The following FGF12 variants were observed in gnomAD, a reference collection of about 807,000 sequenced individuals.
The protein encoded by FGF12 is fibroblast growth factor 12.
FGF12 carries 14 observed loss-of-function variants against 23.6 expected under a neutral mutation model. That is an observed-to-expected ratio of 0.59 (90% confidence interval 0.39 to 0.93). The LOEUF (loss-of-function observed/expected upper bound fraction) is 0.93, where lower values mean the gene tolerates loss of function less well. Ranked by LOEUF, FGF12 falls within the 40% of genes least tolerant of loss-of-function variation. The probability of loss-of-function intolerance (pLI) is 0.00; values close to 1 mark genes in which losing one functional copy is unlikely to be tolerated. For synonymous variants in FGF12, 62 were observed against 77.3 expected (o/e 0.80, Z 1.04); for missense variants, 175 against 217.8 (o/e 0.80, Z 1.24).
rs745377556 is a variant in FGF12 at position 192,468,878 on chromosome 3, AT to A, written c.14-108341del. 1.1e-4 allele frequency among the ~76,000 whole-genome samples: 16 copies of A among 152,224 alleles called. No homozygotes were observed. The East Asian group carries it at 2.9e-3, about 28-fold the overall frequency. Reference sequence around the variant, plus strand: ...TTTCTATTTCCCTTTTTCCTTCTACATTTATTAATAGAAATTCTTCTGAAAA... The same window carrying A: ...TTTCTATTTCCCTTTTTCCTTCTACATTATTAATAGAAATTCTTCTGAAAA... On this transcript the variant is annotated intron_variant, in intron 2 of 5. Transcript: ENST00000445105.
At chr3:192,296,449 C>G (rs1158197257) in intron 4 of FGF12, among the ~76,000 whole-genome samples, 1 of 152,022 alleles carries the variant, frequency 6.6e-6, no homozygotes, top group African/African-American at 2.4e-5. Flanking sequence ...GTCTCAAACT[C>G]CTGAGCTCAA....
At chr3:192,252,297 C>A (rs747545940) in intron 4 of FGF12, among the ~76,000 whole-genome samples, 7 of 151,158 alleles carry the variant, frequency 4.6e-5, no homozygotes, top group Non-Finnish European at 1.0e-4. Context: ...CCTGTCTCTA[C>A]TAAAAAATAC....
intron 4 of FGF12, among the ~76,000 whole-genome samples, chr3:192,262,986 A>T (rs1257872526): frequency 6.6e-6 from 1 of 152,046 alleles, no homozygotes; most frequent in Admixed American, 6.6e-5. Context: ...AATACCTCAA[A>T]ATTAAGTATA....
chr3:192,570,150 A>C (rs893042237), intron 2 of FGF12, among the ~76,000 whole-genome samples: 8 of 152,198 alleles, frequency 5.3e-5, no homozygotes, highest in African/African-American at 1.9e-4. Context: ...AGCAAGGAGG[A>C]AGACAGAGGT....
chr3:192,342,392 G>T (rs1455593889), intron 3 of FGF12, among the ~76,000 whole-genome samples: 1 of 152,196 alleles, frequency 6.6e-6, no homozygotes, highest in Admixed American at 6.5e-5. Flanking sequence ...AAGGGTAGGA[G>T]TATGTGTGTG....
intron 2 of FGF12, among the ~76,000 whole-genome samples, chr3:192,713,190 A>G (rs1718751511): frequency 1.3e-5 from 2 of 152,222 alleles, no homozygotes; most frequent in Admixed American, 1.3e-4. Context: ...AACAAAAATA[A>G]CAATGTAACA....
chr3:192,195,014 G>T (rs1189146661), intron 4 of FGF12, among the ~76,000 whole-genome samples: 1 of 152,194 alleles, frequency 6.6e-6, no homozygotes, highest in African/African-American at 2.4e-5. Context: ...ATGGAGAAAA[G>T]CATCTCCACC....
chr3:192,503,319 G>A (rs1453865917), intron 2 of FGF12, among the ~76,000 whole-genome samples: 1 of 152,076 alleles, frequency 6.6e-6, no homozygotes, highest in African/African-American at 2.4e-5. Context: ...CTTGCCTCCT[G>A]TCCTGATCCT....
chr3:192,662,362 A>G (rs1716702192), intron 2 of FGF12, among the ~76,000 whole-genome samples: 1 of 152,224 alleles, frequency 6.6e-6, no homozygotes, highest in South Asian at 2.1e-4. Flanking sequence ...TCATTTTCAT[A>G]AATCTGAATC....
At chr3:192,168,845 C>G (rs1320835871) in intron 5 of FGF12, among the ~76,000 whole-genome samples, 1 of 152,152 alleles carries the variant, frequency 6.6e-6, no homozygotes, top group African/African-American at 2.4e-5. Flanking sequence ...AATTTAATGT[C>G]ATAATTTCTA....
chr3:192,411,957 G>T (rs980876292), intron 2 of FGF12, among the ~76,000 whole-genome samples: 7 of 149,604 alleles, frequency 4.7e-5, no homozygotes, highest in East Asian at 2.0e-4. Flanking sequence ...AATATGGCCG[G>T]TTTTTTTTTT....
intron 4 of FGF12, among the ~76,000 whole-genome samples, chr3:192,215,157 A>G (rs1718128778): frequency 6.6e-6 from 1 of 152,078 alleles, no homozygotes; most frequent in Non-Finnish European, 1.5e-5. Context: ...CCTTACTCAC[A>G]ATTCCCTCTG....
chr3:192,157,735 C>A (rs1192601436), intron 5 of FGF12, among the ~76,000 whole-genome samples: 1 of 152,098 alleles, frequency 6.6e-6, no homozygotes, highest in Non-Finnish European at 1.5e-5. Context: ...AAAGTAAAAT[C>A]TTGGGCATTG....
At chr3:192,556,018 A>C (rs1711756564) in intron 2 of FGF12, among the ~76,000 whole-genome samples, 1 of 152,168 alleles carries the variant, frequency 6.6e-6, no homozygotes, top group South Asian at 2.1e-4. Flanking sequence ...AAGATGCACC[A>C]AAGAAAGTGA....
chr3:192,171,083 G>A (rs1052189866), intron 4 of FGF12, among the ~76,000 whole-genome samples: 5 of 152,200 alleles, frequency 3.3e-5, no homozygotes, highest in Non-Finnish European at 7.3e-5. Context: ...CTTTTGAAGA[G>A]ACTATTCTGT....
At chr3:192,329,407 A>C (rs1365442821) in intron 4 of FGF12, among the ~76,000 whole-genome samples, 1 of 152,198 alleles carries the variant, frequency 6.6e-6, no homozygotes, top group African/African-American at 2.4e-5. Context: ...CACATGTATC[A>C]TTCTATCAAG....
At chr3:192,393,686 T>G (rs1037720713) in intron 2 of FGF12, among the ~76,000 whole-genome samples, 1 of 152,180 alleles carries the variant, frequency 6.6e-6, no homozygotes, top group African/African-American at 2.4e-5. Context: ...ATAATATACA[T>G]GAATAAAATT....
intron 2 of FGF12, among the ~76,000 whole-genome samples, chr3:192,512,962 T>TACTTGCAA (rs1724534595): frequency 6.6e-6 from 1 of 150,676 alleles, no homozygotes; most frequent in South Asian, 2.1e-4. Flanking sequence ...ATCAGTCCCA[T>TACTTGCAA]ACTTGCAACA....
At chr3:192,331,085 A>G (rs1717090613) in intron 4 of FGF12, among the ~76,000 whole-genome samples, 1 of 152,158 alleles carries the variant, frequency 6.6e-6, no homozygotes, top group Non-Finnish European at 1.5e-5. Flanking sequence ...GAAGATTTAC[A>G]AATGACTAGC....
Sources: allele counts gnomAD v4.1 joint callset (sites outside exome capture counted in the v4.1 genomes callset), GRCh38; gene constraint gnomAD v4.1.1; transcripts MANE v1.5; gene names NCBI Gene and HGNC (gene_info 2026-07-23, HGNC 2026-07-21).